Variants in LRRC7 observed in about 807,000 individuals in gnomAD.
LRRC7 encodes the protein leucine-rich repeat-containing protein 7.
LRRC7 carries 23 observed loss-of-function variants against 175.7 expected under a neutral mutation model. The ratio of observed to expected loss-of-function variants is 0.13; its 90% CI spans 0.09 to 0.19. LRRC7 has a LOEUF of 0.19. Among genes scored for constraint, LRRC7 ranks in the 10% least tolerant of loss-of-function variants. LRRC7 has a pLI of 1.00. For missense variants in LRRC7, 1,354 were observed against 1,904.7 expected (o/e 0.71, Z 5.38); for synonymous variants, 685 against 680.9 (o/e 1.01, Z -0.09).
At chr1:69,753,572 G>A (rs10789301) in intron 2 of LRRC7, among the ~76,000 whole-genome samples, 151,580 of 152,116 alleles carry the variant, frequency 1, 75,526 homozygotes, top group Middle Eastern at 1. Flanking sequence ...TCATGAAAAA[G>A]CACGGTGACA....
At chr1:70,042,603 T>A (rs1259924370) in intron 21 of LRRC7, among the ~76,000 whole-genome samples, 1 of 152,198 alleles carries the variant, frequency 6.6e-6, no homozygotes, top group Non-Finnish European at 1.5e-5. Flanking sequence ...ATGCTTTCAC[T>A]GCAGAGCCAC....
Position 70,130,116 on chromosome 1 carries a change from T to C in LRRC7, c.*8229T>C, listed in dbSNP as rs1008902735. 2.6e-5 allele frequency: 4 copies of C among 152,216 alleles called. No individual in the cohort carries two copies. Among genetic ancestry groups the C allele is most frequent in the African/African-American group, 9.7e-5 (4 of 41,448 alleles). The allele number at this position is 152,216 out of a possible 1,614,324, so 9.4% of individuals were successfully genotyped here. A position where few individuals can be genotyped will look rare whatever the true frequency, so the allele number is the denominator to read the frequency against. Reference sequence around the variant, plus strand: ...CAGCACTACCATATTAATTTTTTCTTATGTTTTTTAGTATCTTTCCCATTC... The same window carrying C: ...CAGCACTACCATATTAATTTTTTCTCATGTTTTTTAGTATCTTTCCCATTC... On this transcript the variant is annotated 3_prime_UTR_variant, in exon 27 of 27. Transcript: ENST00000651989.
intron 1 of LRRC7, among the ~76,000 whole-genome samples, chr1:69,602,843 T>C (rs1366704106): frequency 6.6e-6 from 1 of 152,206 alleles, no homozygotes; most frequent in East Asian, 1.9e-4. Context: ...TCTTACTGTA[T>C]CTTTTTATGT....
intron 1 of LRRC7, among the ~76,000 whole-genome samples, chr1:69,570,597 C>T (rs924842396): frequency 3.9e-5 from 6 of 152,134 alleles, no homozygotes; most frequent in East Asian, 1.9e-4. Context: ...CCAAGTGTCA[C>T]GCCTCCGTCC....
chr1:69,949,607 A>G (rs1313491691), intron 8 of LRRC7, among the ~76,000 whole-genome samples: 1 of 152,096 alleles, frequency 6.6e-6, no homozygotes, highest in Non-Finnish European at 1.5e-5. Context: ...ATCTTTTATT[A>G]GTTTTATTCT....
intron 13 of LRRC7, among the ~76,000 whole-genome samples, chr1:70,013,319 T>C (rs12033308): frequency 0.053 from 8,074 of 151,908 alleles, 204 homozygotes; most frequent in South Asian, 0.11. Context: ...ATTATATAAA[T>C]ATGAATCACA....
At chr1:69,611,224 A>G (rs1291372422) in intron 1 of LRRC7, among the ~76,000 whole-genome samples, 1 of 151,886 alleles carries the variant, frequency 6.6e-6, no homozygotes, top group East Asian at 1.9e-4. Flanking sequence ...TCTTTTTTTC[A>G]TATATCGTCA....
In LRRC7 at chr1:70,002,866, A is replaced by T. The variant is rs532372616; in HGVS notation, c.1004+8233A>T. Among the ~76,000 whole-genome samples the T allele has an allele frequency of 1.5e-4, 23 of 152,342 alleles. 1 individual carries two copies. Among genetic ancestry groups the T allele is most frequent in the Admixed American group, 2.6e-4 (4 of 15,290 alleles). On this transcript the variant is annotated intron_variant, in intron 11 of 26. Transcript: ENST00000651989. The stretch of plus-strand genomic sequence containing the variant: ...TATTTACTGATCATTGCTTATGTTC[A>T]TCTATATGAGGTTTGGTGATATAAC...
chr1:70,142,125 CCAT>C lies in LRRC7; in HGVS notation c.*20239_*20241del, dbSNP rs1667085399. 1 of 152,016 alleles carries C rather than the reference CCAT, an allele frequency of 6.6e-6. No homozygotes were observed. Among genetic ancestry groups the C allele is most frequent in the African/African-American group, 2.4e-5 (1 of 41,412 alleles). 9.4% of individuals were successfully genotyped at this position (152,016 alleles called of 1,614,324 possible). Reference sequence around the variant, plus strand: ...TCAGGCAGACAACATAAAGCAGCTCCCATATCTGCTAGAAAGGTCATTAATTTT... The same window carrying C: ...TCAGGCAGACAACATAAAGCAGCTCCATCTGCTAGAAAGGTCATTAATTTT... On this transcript the variant is annotated 3_prime_UTR_variant, in exon 27 of 27. Transcript: ENST00000651989.
chr1:69,630,073 G>A (rs1246127812), intron 1 of LRRC7, among the ~76,000 whole-genome samples: 1 of 151,804 alleles, frequency 6.6e-6, no homozygotes, highest in Non-Finnish European at 1.5e-5. Flanking sequence ...TTCTCTGCCT[G>A]TGCATTAGAT....
intron 1 of LRRC7, among the ~76,000 whole-genome samples, chr1:69,579,866 T>G (rs1246865480): frequency 6.7e-6 from 1 of 149,958 alleles, no homozygotes; most frequent in South Asian, 2.1e-4. Flanking sequence ...ACTCCTGGGC[T>G]GAAGCAGTCC....
At chr1:69,613,114 C>T (rs192631727) in intron 1 of LRRC7, among the ~76,000 whole-genome samples, 3 of 152,192 alleles carry the variant, frequency 2.0e-5, no homozygotes, top group Admixed American at 6.6e-5. Context: ...ACAAGTATAG[C>T]ATAGACTATA....
At chr1:69,690,969 G>T (rs1405862213) in intron 2 of LRRC7, among the ~76,000 whole-genome samples, 2 of 152,190 alleles carry the variant, frequency 1.3e-5, no homozygotes, top group Non-Finnish European at 2.9e-5. Context: ...CTACAGAGCA[G>T]CTGATATCAG....
At chr1:69,678,939 C>T (rs774800178) in intron 2 of LRRC7, among the ~76,000 whole-genome samples, 77 of 151,880 alleles carry the variant, frequency 5.1e-4, no homozygotes, top group Admixed American at 2.6e-3. Context: ...AGATATCTGC[C>T]GGTAAATGTA....
intron 1 of LRRC7, among the ~76,000 whole-genome samples, chr1:69,633,521 C>G (rs1652842795): frequency 6.6e-6 from 1 of 151,978 alleles, no homozygotes; most frequent in Admixed American, 6.6e-5. Flanking sequence ...CTCTGCCTCC[C>G]AGGTTCAATC....
At chr1:69,645,218 A>T (rs1004882326) in intron 1 of LRRC7, among the ~76,000 whole-genome samples, 20 of 152,062 alleles carry the variant, frequency 1.3e-4, no homozygotes, top group African/African-American at 4.3e-4. Context: ...AAAGGAATCT[A>T]TAAAGCCAAC....
intron 5 of LRRC7, among the ~76,000 whole-genome samples, chr1:69,833,099 C>G (rs1205101312): frequency 2.4e-5 from 3 of 123,598 alleles, no homozygotes; most frequent in Non-Finnish European, 5.6e-5. Flanking sequence ...GAGTGAAACT[C>G]TATTTCAAAA....
chr1:69,656,128 AG>A (rs1403516490), intron 1 of LRRC7, among the ~76,000 whole-genome samples: 1 of 152,032 alleles, frequency 6.6e-6, no homozygotes, highest in Admixed American at 6.6e-5. Context: ...GGGATGCAAA[AG>A]AGCCAGTTAG....
At chr1:69,635,011 G>A (rs963759487) in intron 1 of LRRC7, among the ~76,000 whole-genome samples, 9 of 152,074 alleles carry the variant, frequency 5.9e-5, no homozygotes, top group East Asian at 1.9e-4. Context: ...TGTGTTACGG[G>A]GGTTTGTTGT....
Sources: allele counts gnomAD v4.1 joint callset (sites outside exome capture counted in the v4.1 genomes callset), GRCh38; gene constraint gnomAD v4.1.1; transcripts MANE v1.5; gene names NCBI Gene and HGNC (gene_info 2026-07-23, HGNC 2026-07-21).